LARGE1: variants seen among roughly 807,000 people sequenced by gnomAD.
LARGE1 encodes the protein xylosyl- and glucuronyltransferase LARGE1.
A neutral mutation model predicts 87.6 loss-of-function variants in LARGE1; 43 were observed. That is an observed-to-expected ratio of 0.49 (90% CI 0.38 to 0.63). The LOEUF (loss-of-function observed/expected upper bound fraction) is 0.63, where lower values mean the gene tolerates loss of function less well. Among genes scored for constraint, LARGE1 ranks in the 30% least tolerant of loss-of-function variants. The pLI is 0.00. For synonymous variants in LARGE1, 434 were observed against 394.6 expected, an observed-to-expected ratio of 1.10 and a Z score of -1.18; for missense variants, 802 against 1,000.2, an observed-to-expected ratio of 0.80 and a Z score of 2.67.
intron 2 of LARGE1, among the ~76,000 whole-genome samples, chr22:33,695,104 C>CT (rs935423824): frequency 8.5e-5 from 12 of 141,146 alleles, no homozygotes; most frequent in African/African-American, 2.9e-4. Flanking sequence ...TTCTTTCTTT[C>CT]TTTCTTTTTT....
intron 1 of LARGE1, among the ~76,000 whole-genome samples, chr22:33,878,287 G>A (rs974382365): frequency 1.5e-4 from 23 of 150,240 alleles, no homozygotes; most frequent in African/African-American, 5.6e-4. Flanking sequence ...ATAGGCACCC[G>A]CCATCACGCC....
At chr22:33,882,232 G>A (rs998535523) in intron 1 of LARGE1, among the ~76,000 whole-genome samples, 8 of 151,902 alleles carry the variant, frequency 5.3e-5, no homozygotes, top group Non-Finnish European at 1.0e-4. Context: ...GGGTTTCATC[G>A]TGTTAGCCAG....
intron 4 of LARGE1, 41 bp from the exon 5 acceptor site, chr22:33,604,599 C>T (rs552963201): frequency 7.4e-6 from 12 of 1,613,290 alleles, no homozygotes; most frequent in South Asian, 5.5e-5. Flanking sequence ...TGGAGAGGTA[C>T]GGCTCTTTGA....
chr22:33,231,396 C>G (rs531814236), intron 11 of LARGE1, among the ~76,000 whole-genome samples: 1 of 152,268 alleles, frequency 6.6e-6, no homozygotes, highest in South Asian at 2.1e-4. Flanking sequence ...CAATACCTAA[C>G]TATAGAAATA....
chr22:33,395,234 A>AAAAAAAG (rs2065692864), intron 7 of LARGE1, among the ~76,000 whole-genome samples: 1 of 150,878 alleles, frequency 6.6e-6, no homozygotes, highest in Non-Finnish European at 1.5e-5. Context: ...CTCAAAAAAA[A>AAAAAAAG]AAAAAAAAAA....
chr22:33,290,576 C>T (rs1409052358), intron 12 of LARGE1, among the ~76,000 whole-genome samples: 1 of 152,122 alleles, frequency 6.6e-6, no homozygotes, highest in Admixed American at 6.5e-5. Flanking sequence ...AAACGTGTGC[C>T]ATGGAGGAGT....
chr22:33,792,909 G>A (rs1203601198), intron 1 of LARGE1, among the ~76,000 whole-genome samples: 2 of 152,200 alleles, frequency 1.3e-5, no homozygotes, highest in Non-Finnish European at 2.9e-5. Context: ...GGTGGGGCCA[G>A]GGGAGGGGCT....
At chr22:33,366,442 T>C (rs1555016) in intron 9 of LARGE1, among the ~76,000 whole-genome samples, 20,853 of 152,250 alleles carry the variant, frequency 0.14, 3,497 homozygotes, top group African/African-American at 0.4. Context: ...TTTATATGAT[T>C]ATTTGGTATT....
At chr22:33,531,236 C>T (rs2072183179) in intron 6 of LARGE1, among the ~76,000 whole-genome samples, 1 of 152,202 alleles carries the variant, frequency 6.6e-6, no homozygotes, top group Admixed American at 6.5e-5. Flanking sequence ...CGGCTCACTG[C>T]AACCTCCTCC....
chr22:33,689,692 C>A (rs370290375), intron 2 of LARGE1, among the ~76,000 whole-genome samples: 1 of 151,872 alleles, frequency 6.6e-6, no homozygotes, highest in African/African-American at 2.4e-5. Flanking sequence ...TTTGGGAGGC[C>A]GAGGTGGGTG....
intron 1 of LARGE1, among the ~76,000 whole-genome samples, chr22:33,761,982 C>T (rs545793412): frequency 2.6e-5 from 4 of 151,888 alleles, no homozygotes; most frequent in South Asian, 2.1e-4. Flanking sequence ...TTTGGGAGGC[C>T]GAGACGAGTG....
intron 1 of LARGE1, among the ~76,000 whole-genome samples, chr22:33,828,815 T>C (rs1424496795): frequency 6.6e-6 from 1 of 152,134 alleles, no homozygotes; most frequent in Non-Finnish European, 1.5e-5. Flanking sequence ...TCTTTGTGCA[T>C]AAATTTGGTG....
At chr22:33,879,570 C>T (rs1214052531) in intron 1 of LARGE1, among the ~76,000 whole-genome samples, 1 of 152,212 alleles carries the variant, frequency 6.6e-6, no homozygotes, top group Non-Finnish European at 1.5e-5. Flanking sequence ...TTTGCTCTTC[C>T]TGTCCTCTGT....
intron 6 of LARGE1, among the ~76,000 whole-genome samples, chr22:33,518,689 A>G (rs2071423498): frequency 6.6e-6 from 1 of 152,054 alleles, no homozygotes; most frequent in Non-Finnish European, 1.5e-5. Context: ...GATAGTGTCC[A>G]ATATTCTTGT....
At chr22:33,868,194 T>C (rs887046310) in intron 1 of LARGE1, among the ~76,000 whole-genome samples, 2 of 152,160 alleles carry the variant, frequency 1.3e-5, no homozygotes, top group African/African-American at 4.8e-5. Flanking sequence ...AGGTCTCACA[T>C]GTGCATGGGT....
intron 1 of LARGE1, among the ~76,000 whole-genome samples, chr22:33,852,700 C>A (rs973991106): frequency 9.3e-5 from 14 of 151,192 alleles, no homozygotes; most frequent in African/African-American, 3.4e-4. Flanking sequence ...AACATATATA[C>A]AAAAAATAAG....
intron 1 of LARGE1, among the ~76,000 whole-genome samples, chr22:33,783,114 G>A (rs1011491077): frequency 6.6e-6 from 1 of 151,952 alleles, no homozygotes; most frequent in Non-Finnish European, 1.5e-5. Flanking sequence ...ATCATATAAA[G>A]GGCCAAAAGC....
intron 6 of LARGE1, among the ~76,000 whole-genome samples, chr22:33,539,490 C>T (rs1194933526): frequency 2.6e-5 from 4 of 152,096 alleles, no homozygotes; most frequent in African/African-American, 9.7e-5. Flanking sequence ...GCTTGACAAA[C>T]TTATGTGGAA....
chr22:33,158,724 C>T (rs1025054999), downstream of LARGE1, among the ~76,000 whole-genome samples: 7 of 152,178 alleles, frequency 4.6e-5, no homozygotes, highest in African/African-American at 1.7e-4. Context: ...TCTGCTATCA[C>T]TTGCAATTTA....
Sources: gnomAD v4.1 joint callset for allele counts (sites outside exome capture counted in the v4.1 genomes callset) on GRCh38, gnomAD v4.1.1 for gene constraint, MANE v1.5 for transcripts, NCBI Gene and HGNC (gene_info 2026-07-23, HGNC 2026-07-21) for gene names.